Variants in MACO1 observed in about 807,000 individuals in gnomAD.
MACO1 encodes macoilin 1.
Under a neutral mutation model 78.7 loss-of-function variants are expected in MACO1, and 14 were observed. The observed-to-expected ratio is 0.18, with a 90% CI of 0.12 to 0.28. MACO1 has a LOEUF of 0.28. MACO1 is among the 10% of genes least tolerant of loss of function. The pLI is 1.00. For synonymous variants in MACO1, 288 were observed against 291.6 expected (o/e 0.99, Z 0.12); for missense variants, 501 against 799.0 (o/e 0.63, Z 4.50).
intron 6 of MACO1, among the ~76,000 whole-genome samples, chr1:25,463,292 A>C (rs891903460): frequency 2.6e-5 from 4 of 152,250 alleles, no homozygotes; most frequent in Non-Finnish European, 5.9e-5. Context: ...AAAGTGGAGC[A>C]GAAGATGCTG....
chr1:25,491,359 C>T (rs749339618), intron 9 of MACO1, 51 bp from the exon 10 acceptor site: 1 of 1,605,744 alleles, frequency 6.2e-7, no homozygotes, highest in South Asian at 1.1e-5. Context: ...AATTTATAGA[C>T]ATCGATGCCA....
At position 25,458,380 on chromosome 1, in the gene MACO1, T is replaced by C. The variant is rs2043141238; in HGVS notation, c.653-11T>C. 5 of 1,555,626 alleles carry C rather than the reference T, an allele frequency of 3.2e-6. No individual in the cohort carries two copies. The highest frequency in any genetic ancestry group is 3.5e-6 in the Non-Finnish European group (4 of 1,156,782). On this transcript the variant is annotated splice_polypyrimidine_tract_variant and intron_variant, in intron 5 of 10. Coordinates refer to ENST00000374343, the MANE Select transcript of MACO1 (RefSeq NM_018202.6). ...GGCTTTTTGTTTGTTGGTTTGTTTT[T>C]GGTATTGTAGCAGCCAAAGGATTAC...
chr1:25,484,326 C>CAAG, intron 7 of MACO1, 52 bp downstream of exon 7: 2 of 1,515,496 alleles, frequency 1.3e-6, no homozygotes, highest in Non-Finnish European at 1.8e-6. Flanking sequence ...TTCACTGCTT[C>CAAG]TCCTGTTGCC....
At chr1:25,456,883 C>T (rs1468145714) in intron 5 of MACO1, 52 bp downstream of exon 5, 4 of 1,520,490 alleles carry the variant, frequency 2.6e-6, no homozygotes, top group Non-Finnish European at 2.6e-6. Flanking sequence ...ATTATTTTGT[C>T]TCTTGGTAGA....
rs1176903114 is a variant in MACO1, at chr1:25,498,547, AAC to A, written c.*83_*84del. 3 of 1,308,084 alleles carry A rather than the reference AAC, an allele frequency of 2.3e-6. No homozygotes were observed. Among genetic ancestry groups the A allele is most frequent in the African/African-American group, 3.0e-5 (2 of 67,444 alleles). The allele number at this position is 1,308,084 out of a possible 1,614,324, so 81.0% of individuals were successfully genotyped here. On this transcript the variant is annotated 3_prime_UTR_variant, in exon 11 of 11. Transcript: ENST00000374343. ...GCGTCTCTGGCAGTCAAGATAAAAA[AAC>A]AGTTTCTATTGTATTTTGTGGAACT... is the stretch of plus-strand genomic sequence containing the variant.
intron 6 of MACO1, among the ~76,000 whole-genome samples, chr1:25,476,850 A>G (rs2043325324): frequency 6.6e-6 from 1 of 152,204 alleles, no homozygotes; most frequent in Admixed American, 6.5e-5. Flanking sequence ...ATTTAAATTA[A>G]AAATCAGATG....
intron 10 of MACO1, among the ~76,000 whole-genome samples, chr1:25,494,064 C>G (rs1402817517): frequency 6.6e-6 from 1 of 152,162 alleles, no homozygotes; most frequent in Non-Finnish European, 1.5e-5. Flanking sequence ...TACATTCATT[C>G]TGTTGTGATT....
chr1:25,449,669 G>T (rs966230191), intron 3 of MACO1, among the ~76,000 whole-genome samples: 4 of 152,066 alleles, frequency 2.6e-5, no homozygotes, highest in Admixed American at 6.6e-5. Context: ...ATTTCTTAGA[G>T]GATCTAAAGA....
chr1:25,477,581 T>C (rs1373130748), intron 6 of MACO1, among the ~76,000 whole-genome samples: 2 of 152,310 alleles, frequency 1.3e-5, no homozygotes, highest in East Asian at 3.9e-4. Flanking sequence ...CACAGACATA[T>C]ATCTTTAGGT....
At chr1:25,495,146 T>A (rs753396967) in intron 10 of MACO1, among the ~76,000 whole-genome samples, 2 of 152,160 alleles carry the variant, frequency 1.3e-5, no homozygotes, top group Non-Finnish European at 2.9e-5. Flanking sequence ...CACCCCTCAG[T>A]GCTTCAACCC....
chr1:25,477,456 T>A (rs1182284101), intron 6 of MACO1, among the ~76,000 whole-genome samples: 1 of 152,174 alleles, frequency 6.6e-6, no homozygotes, highest in Non-Finnish European at 1.5e-5. Context: ...CAGGGTAAAT[T>A]CTGTATTGCA....
At chr1:25,493,357 G>T (rs1347248795) in intron 10 of MACO1, among the ~76,000 whole-genome samples, 1 of 151,902 alleles carries the variant, frequency 6.6e-6, no homozygotes, top group Non-Finnish European at 1.5e-5. Flanking sequence ...TCCCACCTCA[G>T]CCTCTCCCTA....
rs1284568535 is a variant in MACO1, at chr1:25,448,905, A to G, written c.320A>G (p.Tyr107Cys). 2 of 1,542,084 alleles carry G rather than the reference A, an allele frequency of 1.3e-6. No homozygotes were observed. The highest frequency in any genetic ancestry group is 1.3e-5 in the South Asian group (1 of 78,902). Reference protein sequence around the residue: ...IQWLFFAASTYVWVQYVWHTE... With the variant: ...IQWLFFAASTCVWVQYVWHTE... ...TGGCTTTTTTTTGCTGCTAGCACATATGTATGGGTTCAGTACGTATGGCAC... is the reference window on the plus strand; with the variant it reads ...TGGCTTTTTTTTGCTGCTAGCACATGTGTATGGGTTCAGTACGTATGGCAC... The change falls in exon 3 of 11, where the codon TAT becomes TGT. Residue 107 changes from tyrosine (Y) to cysteine (C), a missense_variant. By Grantham distance (194) the Tyr-to-Cys change is radical. Transcript: ENST00000374343.
chr1:25,474,609 TAGA>T (rs1158460484), intron 6 of MACO1, among the ~76,000 whole-genome samples: 7 of 152,194 alleles, frequency 4.6e-5, no homozygotes, highest in African/African-American at 1.4e-4. Context: ...TCATACCGCT[TAGA>T]AGGAGAGGGG....
chr1:25,448,810 C>A lies in MACO1; in HGVS notation c.225C>A (p.Ala75=). The change falls in exon 3 of 11, where the codon GCC becomes GCA. Residue 75 remains alanine, a splice_region_variant and synonymous_variant. Transcript: ENST00000374343. ...TTTTGTTTTATTTTTCCCTTTAGGCCTTCTCAGTATTTTTTGTTTGTGTAG... is the reference window on the plus strand; with the variant it reads ...TTTTGTTTTATTTTTCCCTTTAGGCATTCTCAGTATTTTTTGTTTGTGTAG... ...VYDSFRYQGL[A]FSVFFVCVAF... is the part of the protein sequence containing the mutation. 1 of 1,536,446 alleles carries A rather than the reference C, an allele frequency of 6.5e-7. No homozygotes were observed. The highest frequency in any genetic ancestry group is 1.4e-5 in the African/African-American group (1 of 74,070).
chr1:25,452,504 A>C (rs552173176), intron 3 of MACO1, among the ~76,000 whole-genome samples: 3 of 152,328 alleles, frequency 2.0e-5, no homozygotes, highest in Admixed American at 6.5e-5. Context: ...AAGTGTCAGA[A>C]ACATTTCTTT....
intron 10 of MACO1, among the ~76,000 whole-genome samples, chr1:25,494,121 G>A (rs1323516116): frequency 6.6e-6 from 1 of 152,172 alleles, no homozygotes; most frequent in African/African-American, 2.4e-5. Flanking sequence ...ACTTTTGACA[G>A]AATGAGCATG....
chr1:25,464,766 C>A (rs538163774), intron 6 of MACO1, among the ~76,000 whole-genome samples: 8 of 150,384 alleles, frequency 5.3e-5, no homozygotes, highest in Admixed American at 2.7e-4. Flanking sequence ...AAGTGATTCT[C>A]CTGTCTTAGC....
Position 25,430,957 on chromosome 1 carries a change from CT to C in MACO1, c.-141del. 1 of 486,742 alleles carries C rather than the reference CT, an allele frequency of 2.1e-6. No homozygotes were observed. Among genetic ancestry groups the C allele is most frequent in the Non-Finnish European group, 3.6e-6 (1 of 275,722 alleles). The allele number at this position is 486,742 out of a possible 1,614,324, so 30.2% of individuals were successfully genotyped here. A position where few individuals can be genotyped will look rare whatever the true frequency, so the allele number is the denominator to read the frequency against. ...GAGCCCCCCCTCCCCGTGCTACCCCCTCCCCCCGGGTGCTGGCTCCATGTCT... is the reference window on the plus strand; with the variant it reads ...GAGCCCCCCCTCCCCGTGCTACCCCCCCCCCCGGGTGCTGGCTCCATGTCT... On this transcript the variant is annotated 5_prime_UTR_variant, in exon 1 of 11. Coordinates refer to ENST00000374343, the MANE Select transcript of MACO1 (RefSeq NM_018202.6).
Sources: allele counts gnomAD v4.1 joint callset (sites outside exome capture counted in the v4.1 genomes callset), GRCh38; gene constraint gnomAD v4.1.1; transcripts MANE v1.5; gene names NCBI Gene and HGNC (gene_info 2026-07-23, HGNC 2026-07-21).